Variants in LUC7L3 observed in about 807,000 individuals in gnomAD.
LUC7L3 encodes LUC7 like 3 pre-mRNA splicing factor.
Under a neutral mutation model 66.8 loss-of-function variants are expected in LUC7L3, and 6 were observed. The observed-to-expected ratio is 0.09, with a 90% CI of 0.05 to 0.18. The LOEUF is 0.18. LUC7L3 is among the 10% of genes least tolerant of loss of function. The pLI is 1.00. For synonymous variants in LUC7L3, 160 were observed against 174.7 expected, an observed-to-expected ratio of 0.92 and a Z score of 0.66; for missense variants, 341 against 531.1, an observed-to-expected ratio of 0.64 and a Z score of 3.52.
chr17:50,740,821 A>G (rs915590105), intron 3 of LUC7L3, among the ~76,000 whole-genome samples: 9 of 152,106 alleles, frequency 5.9e-5, no homozygotes, highest in East Asian at 3.9e-4. Flanking sequence ...CGGCCTCCCA[A>G]AGTGCTGGGA....
At chr17:50,724,534 A>G (rs891215802) in intron 1 of LUC7L3, among the ~76,000 whole-genome samples, 3 of 151,840 alleles carry the variant, frequency 2.0e-5, no homozygotes, top group Non-Finnish European at 4.4e-5. Flanking sequence ...AAAAAAATAG[A>G]ATAAAATAAC....
intron 1 of LUC7L3, chr17:50,722,750 G>C (rs1236779193): frequency 6.6e-6 from 1 of 152,220 alleles, no homozygotes; most frequent in East Asian, 1.9e-4. Context: ...GTAATGGTGT[G>C]TATGTAACCT....
intron 1 of LUC7L3, among the ~76,000 whole-genome samples, chr17:50,729,355 T>G (rs1969412615): frequency 6.6e-6 from 1 of 152,222 alleles, no homozygotes; most frequent in South Asian, 2.1e-4. Context: ...TCACCACTTT[T>G]GGACTATGCT....
chr17:50,745,578 A>G (rs189225305), intron 7 of LUC7L3, 142 bp from the exon 8 acceptor site: 86 of 618,816 alleles, frequency 1.4e-4, no homozygotes, highest in African/African-American at 1.4e-3. Context: ...CCTTGTGTAT[A>G]TACATGGTGT....
At chr17:50,728,767 A>G (rs572868082) in intron 1 of LUC7L3, among the ~76,000 whole-genome samples, 1 of 152,268 alleles carries the variant, frequency 6.6e-6, no homozygotes, top group Non-Finnish European at 1.5e-5. Flanking sequence ...TTGGCCAGGC[A>G]GGTCTCAAAC....
intron 1 of LUC7L3, among the ~76,000 whole-genome samples, chr17:50,730,829 C>G (rs1475402976): frequency 4.6e-5 from 7 of 151,516 alleles, no homozygotes; most frequent in Non-Finnish European, 1.0e-4. Context: ...AATCCCAGCT[C>G]CTTGGGAGGC....
chr17:50,743,839 A>G (rs1390425418), intron 6 of LUC7L3, 29 bp downstream of exon 6: 2 of 1,470,052 alleles, frequency 1.4e-6, no homozygotes, highest in Admixed American at 1.8e-5. Flanking sequence ...ACATTATCTC[A>G]TCTGTCTGTT....
At chr17:50,731,262 G>A (rs1348440047) in intron 1 of LUC7L3, among the ~76,000 whole-genome samples, 2 of 152,066 alleles carry the variant, frequency 1.3e-5, no homozygotes, top group Admixed American at 6.6e-5. Context: ...TCTCCCTCCC[G>A]GGTTCAAGCG....
At chr17:50,742,519 C>G (rs942420892) in intron 5 of LUC7L3, among the ~76,000 whole-genome samples, 1 of 152,046 alleles carries the variant, frequency 6.6e-6, no homozygotes, top group Non-Finnish European at 1.5e-5. Flanking sequence ...CCACCATCCC[C>G]GGCTGATTGT....
Position 50,752,318 on chromosome 17 carries a change from GT to G in LUC7L3, c.*1664del, listed in dbSNP as rs1008577858. 9.2e-6 allele frequency: 8 copies of G among 864,934 alleles called. No homozygotes were observed. The highest frequency in any genetic ancestry group is 1.2e-5 in the Non-Finnish European group (8 of 641,054). The allele number at this position is 864,934 out of a possible 1,614,324, so 53.6% of individuals were successfully genotyped here. ...ATAGAAAAAGTATAAAGCTCAGTTA[GT>G]TTTTTTATTATTATTATTATTAAAA... On this transcript the variant is annotated 3_prime_UTR_variant, in exon 10 of 10. Coordinates refer to ENST00000505658, the MANE Select transcript of LUC7L3 (RefSeq NM_016424.5).
chr17:50,746,207 A>T (rs1232587387), intron 8 of LUC7L3, among the ~76,000 whole-genome samples: 1 of 152,150 alleles, frequency 6.6e-6, no homozygotes, highest in Non-Finnish European at 1.5e-5. Context: ...TGTCTAGGAA[A>T]TTTCACCCAA....
At chr17:50,731,764 G>A (rs1396673299) in intron 1 of LUC7L3, among the ~76,000 whole-genome samples, 1 of 152,212 alleles carries the variant, frequency 6.6e-6, no homozygotes, top group Non-Finnish European at 1.5e-5. Flanking sequence ...GGCAGGTCAT[G>A]TGGTCTCTGA....
intron 1 of LUC7L3, among the ~76,000 whole-genome samples, chr17:50,733,151 TA>T: frequency 6.6e-6 from 1 of 152,014 alleles, no homozygotes; most frequent in Non-Finnish European, 1.5e-5. Context: ...TTAGATAGAA[TA>T]ATCTCCAAAA....
Position 50,752,183 on chromosome 17 carries a change from C to G in LUC7L3, c.*1522C>G. ...ATGTTGTCTAATTATCATTTTTCCC[C>G]AAATTTTGCGTTGTAGGACTACTGT... is the stretch of plus-strand genomic sequence containing the variant. On this transcript the variant is annotated 3_prime_UTR_variant, in exon 10 of 10. Coordinates refer to ENST00000505658, the MANE Select transcript of LUC7L3 (RefSeq NM_016424.5). 7.8e-7 allele frequency: 1 copy of G among 1,283,388 alleles called. No individual in the cohort carries two copies. The highest frequency in any genetic ancestry group is 1.0e-6 in the Non-Finnish European group (1 of 986,006). 79.5% of individuals were successfully genotyped at this position (1,283,388 alleles called of 1,614,324 possible).
Position 50,737,019 on chromosome 17 carries a change from T to A in LUC7L3, c.159T>A (p.Ser53=). ...CPAELFTNTR[S]DLGPCEKIHD... ...CGGAATTGTTCACAAATACACGTTC[T>A]GATCTTGGTAAGTGAATTTTCTGTG... is the stretch of plus-strand genomic sequence containing the variant. Residue 53 remains serine (S), a synonymous_variant, in exon 2 of 10, where the codon TCT becomes TCA. Transcript: ENST00000505658. The A allele has an allele frequency of 6.2e-7, 1 of 1,605,670 alleles. No homozygotes were observed. The highest frequency in any genetic ancestry group is 1.3e-5 in the African/African-American group (1 of 74,852).
In LUC7L3 at chr17:50,753,411, A is replaced by G. The variant is rs1383071275; in HGVS notation, c.*2750A>G. The G allele has an allele frequency of 6.6e-6, 1 of 152,566 alleles. No homozygotes were observed. The highest frequency in any genetic ancestry group is 1.5e-5 in the Non-Finnish European group (1 of 68,028). The allele number at this position is 152,566 out of a possible 1,614,324, so 9.5% of individuals were successfully genotyped here. On this transcript the variant is annotated 3_prime_UTR_variant, in exon 10 of 10. Coordinates refer to ENST00000505658, the MANE Select transcript of LUC7L3 (RefSeq NM_016424.5). Reference sequence around the variant, plus strand: ...CTGTTAAGCCACTGTGTTCATTCTAATAGGCATAATGAATTGTTAAAGAAT... The same window carrying G: ...CTGTTAAGCCACTGTGTTCATTCTAGTAGGCATAATGAATTGTTAAAGAAT...
At chr17:50,719,971 A>C in intron 1 of LUC7L3, 140 bp downstream of exon 1, 1 of 703,576 alleles carries the variant, frequency 1.4e-6, no homozygotes, top group Non-Finnish European at 2.2e-6. Context: ...CCATGGAGCC[A>C]GGAGGGAGGA....
intron 1 of LUC7L3, among the ~76,000 whole-genome samples, chr17:50,725,284 CCTGTAATCCCAGCTACT>C (rs1969104456): frequency 6.6e-6 from 1 of 152,068 alleles, no homozygotes; most frequent in African/African-American, 2.4e-5. Flanking sequence ...GTGGCGCACG[CCTGTAATCCCAGCTACT>C]CGGGAGGCTG....
Position 50,752,099 on chromosome 17 carries a change from CAT to C in LUC7L3, c.*1439_*1440del, listed in dbSNP as rs916657942. On this transcript the variant is annotated 3_prime_UTR_variant, in exon 10 of 10. Coordinates refer to ENST00000505658, the MANE Select transcript of LUC7L3 (RefSeq NM_016424.5). Reference sequence around the variant, plus strand: ...AAAGAATACAAGCATTCCATGTACACATGTTAATTAGCAGTTAGTGACTGGGC... The same window carrying C: ...AAAGAATACAAGCATTCCATGTACACGTTAATTAGCAGTTAGTGACTGGGC... 8 of 1,248,836 alleles carry C rather than the reference CAT, an allele frequency of 6.4e-6. No homozygotes were observed. The highest frequency in any genetic ancestry group is 2.3e-4 in the Middle Eastern group (1 of 4,298). The allele number at this position is 1,248,836 out of a possible 1,614,324, so 77.4% of individuals were successfully genotyped here.
Sources: gnomAD v4.1 joint callset for allele counts (sites outside exome capture counted in the v4.1 genomes callset) on GRCh38, gnomAD v4.1.1 for gene constraint, MANE v1.5 for transcripts, NCBI Gene and HGNC (gene_info 2026-07-23, HGNC 2026-07-21) for gene names.